GPC5: variants seen among roughly 807,000 people sequenced by gnomAD.
GPC5 encodes the protein glypican-5.
Under a neutral mutation model 53.9 loss-of-function variants are expected in GPC5, and 47 were observed. That is an observed-to-expected ratio of 0.87 (90% CI 0.69 to 1.11). The LOEUF (loss-of-function observed/expected upper bound fraction) is 1.11, where lower values mean the gene tolerates loss of function less well. Among genes scored for constraint, GPC5 ranks in the 50% most tolerant of loss-of-function variants. The probability of loss-of-function intolerance (pLI) is 0.00; values close to 1 mark genes in which losing one functional copy is unlikely to be tolerated. For synonymous variants in GPC5, 286 were observed against 263.3 expected, an observed-to-expected ratio of 1.09 and a Z score of -0.84; for missense variants, 748 against 713.1, an observed-to-expected ratio of 1.05 and a Z score of -0.56.
chr13:92,810,872 C>T (rs1877271583), intron 7 of GPC5, among the ~76,000 whole-genome samples: 1 of 151,854 alleles, frequency 6.6e-6, no homozygotes, highest in Non-Finnish European at 1.5e-5. Flanking sequence ...AGGCGTCTGC[C>T]ACCACAACCA....
intron 7 of GPC5, among the ~76,000 whole-genome samples, chr13:92,760,073 G>A (rs764286629): frequency 2.0e-5 from 3 of 151,992 alleles, no homozygotes; most frequent in African/African-American, 7.2e-5. Context: ...CCACTTGTTT[G>A]TAATGGACAA....
chr13:92,354,799 T>A (rs1043532427), intron 7 of GPC5, among the ~76,000 whole-genome samples: 5 of 152,112 alleles, frequency 3.3e-5, no homozygotes, highest in Non-Finnish European at 7.4e-5. Context: ...GTAATACTCA[T>A]GCAGAGGTCC....
At position 92,726,510 on chromosome 13, in the gene GPC5, G is replaced by C. The variant is rs567150508; in HGVS notation, c.1562-139772G>C. On this transcript the variant is annotated intron_variant, in intron 7 of 7. Coordinates refer to ENST00000377067, the MANE Select transcript of GPC5 (RefSeq NM_004466.6). The stretch of plus-strand genomic sequence containing the variant: ...TGAGTTAAGTGATTCTGCCACCTCA[G>C]CTTCCCAAGTAGCTGAGACTACAGG... Among the ~76,000 whole-genome samples, 14 of 151,570 alleles carry C rather than the reference G, an allele frequency of 9.2e-5. No individual in the cohort carries two copies. The East Asian group carries it at 2.5e-3, about 27-fold the overall frequency.
chr13:92,682,961 A>C (rs1887152246), intron 7 of GPC5, among the ~76,000 whole-genome samples: 1 of 152,166 alleles, frequency 6.6e-6, no homozygotes. Flanking sequence ...AACAAAATAC[A>C]CACGGCCAAG....
chr13:92,197,943 G>C (rs887927296), intron 7 of GPC5, among the ~76,000 whole-genome samples: 1 of 151,982 alleles, frequency 6.6e-6, no homozygotes, highest in Non-Finnish European at 1.5e-5. Context: ...AGCCATGTGG[G>C]CCTTCTTTTG....
At chr13:92,402,668 T>C (rs115364810) in intron 7 of GPC5, among the ~76,000 whole-genome samples, 2,140 of 152,298 alleles carry the variant, frequency 0.014, 54 homozygotes, top group African/African-American at 0.049. Context: ...TGTGTTTGCT[T>C]GTCTTTGTAT....
intron 7 of GPC5, among the ~76,000 whole-genome samples, chr13:92,234,290 T>C (rs908749958): frequency 9.2e-5 from 14 of 152,296 alleles, no homozygotes; most frequent in African/African-American, 3.4e-4. Flanking sequence ...GTAAAAGTGT[T>C]CCTCTTTCTC....
At chr13:92,432,851 T>C (rs1379487450) in intron 7 of GPC5, among the ~76,000 whole-genome samples, 1 of 152,132 alleles carries the variant, frequency 6.6e-6, no homozygotes, top group African/African-American at 2.4e-5. Flanking sequence ...CCTTTTCCTT[T>C]CCTTTTGTAT....
In GPC5 at chr13:91,399,024, T is replaced by TA. The variant is rs1566362108; in HGVS notation, c.-20dup. ...AGGGCGAGTGGGGTCCACTGGCGGGTAAAGGGGACCAGGACGGCGAGGATG... is the reference window on the plus strand; with the variant it reads ...AGGGCGAGTGGGGTCCACTGGCGGGTAAAAGGGGACCAGGACGGCGAGGATG... On this transcript the variant is annotated 5_prime_UTR_variant, in exon 1 of 8. Coordinates refer to ENST00000377067, the MANE Select transcript of GPC5 (RefSeq NM_004466.6). 3.4e-6 allele frequency: 5 copies of TA among 1,474,644 alleles called. No individual in the cohort carries two copies. Among genetic ancestry groups the TA allele is most frequent in the Admixed American group, 2.1e-5 (1 of 47,030 alleles). 91.3% of individuals were successfully genotyped at this position (1,474,644 alleles called of 1,614,324 possible).
chr13:92,331,829 T>A (rs573325021), intron 7 of GPC5, among the ~76,000 whole-genome samples: 89 of 152,200 alleles, frequency 5.8e-4, no homozygotes, highest in African/African-American at 2.0e-3. Context: ...ACAACTTTTA[T>A]TAGAGATGAG....
chr13:92,421,556 G>A (rs763196489), intron 7 of GPC5, among the ~76,000 whole-genome samples: 2 of 151,782 alleles, frequency 1.3e-5, no homozygotes, highest in African/African-American at 4.8e-5. Context: ...AAAATTAGTC[G>A]GGCGTGGTGG....
chr13:91,503,814 A>C (rs7987931), intron 2 of GPC5, among the ~76,000 whole-genome samples: 1,651 of 138,700 alleles, frequency 0.012, 32 homozygotes, highest in African/African-American at 0.049. Flanking sequence ...TAATAATAAT[A>C]ATAATCAGGC....
At chr13:91,548,981 CA>C (rs2030462276) in intron 2 of GPC5, among the ~76,000 whole-genome samples, 1 of 152,144 alleles carries the variant, frequency 6.6e-6, no homozygotes, top group Admixed American at 6.6e-5. Context: ...GTGCAAAATG[CA>C]AAAACTGGCT....
intron 6 of GPC5, among the ~76,000 whole-genome samples, chr13:92,088,315 G>C (rs9560919): frequency 0.37 from 56,217 of 151,896 alleles, 11,332 homozygotes; most frequent in Admixed American, 0.47. Context: ...TGGAGATGGG[G>C]ATCTATACTA....
intron 2 of GPC5, among the ~76,000 whole-genome samples, chr13:91,559,232 A>G (rs1036191589): frequency 2.0e-5 from 3 of 152,142 alleles, no homozygotes; most frequent in Non-Finnish European, 4.4e-5. Context: ...ATGAAAGCCA[A>G]CTGAAGCAGG....
At chr13:92,723,325 C>T (rs574104999) in intron 7 of GPC5, among the ~76,000 whole-genome samples, 3 of 36,690 alleles carry the variant, frequency 8.2e-5, no homozygotes, top group African/African-American at 3.9e-4. Flanking sequence ...CTCCGAATAA[C>T]ACTTTCTTCT....
At chr13:92,298,553 G>A (rs541774022) in intron 7 of GPC5, among the ~76,000 whole-genome samples, 1 of 152,274 alleles carries the variant, frequency 6.6e-6, no homozygotes, top group South Asian at 2.1e-4. Flanking sequence ...AACTCAGCTC[G>A]AGGTACAGTA....
At chr13:91,635,606 T>C (rs952646209) in intron 2 of GPC5, among the ~76,000 whole-genome samples, 2 of 152,138 alleles carry the variant, frequency 1.3e-5, no homozygotes, top group Non-Finnish European at 2.9e-5. Context: ...TATATTATGT[T>C]ACACTGATAT....
At chr13:91,436,818 G>C (rs542880647) in intron 1 of GPC5, among the ~76,000 whole-genome samples, 1 of 152,280 alleles carries the variant, frequency 6.6e-6, no homozygotes, top group East Asian at 1.9e-4. Flanking sequence ...TTGTGTGAGA[G>C]TCTAAGTCTC....
Sources: gnomAD v4.1 joint callset for allele counts (sites outside exome capture counted in the v4.1 genomes callset) on GRCh38, gnomAD v4.1.1 for gene constraint, MANE v1.5 for transcripts, NCBI Gene and HGNC (gene_info 2026-07-23, HGNC 2026-07-21) for gene names.